CDC123: variants seen among roughly 807,000 people sequenced by gnomAD.
CDC123 encodes the protein cell division cycle 123, also known as translation initiation factor eIF2 assembly protein.
CDC123 carries 37 observed loss-of-function variants against 54.4 expected under a neutral mutation model. That is an observed-to-expected ratio of 0.68 (90% CI 0.52 to 0.89). CDC123 has a LOEUF of 0.89. CDC123 is among the 40% of genes least tolerant of loss of function. CDC123 has a pLI of 0.00. For missense variants in CDC123, 361 were observed against 412.1 expected (o/e 0.88, Z 1.07); for synonymous variants, 144 against 136.8 (o/e 1.05, Z -0.37).
At chr10:12,204,345 A>C (rs1308150837) in intron 2 of CDC123, among the ~76,000 whole-genome samples, 1 of 152,080 alleles carries the variant, frequency 6.6e-6, no homozygotes, top group Non-Finnish European at 1.5e-5. Context: ...AGCATCCCTA[A>C]TTAGAAAATC....
intron 2 of CDC123, among the ~76,000 whole-genome samples, chr10:12,204,581 A>C (rs959669664): frequency 5.3e-5 from 8 of 152,198 alleles, no homozygotes; most frequent in African/African-American, 1.9e-4. Flanking sequence ...CATCGTGGAG[A>C]AAGGGGTGTC....
chr10:12,199,562 A>C (rs993633716), intron 2 of CDC123, among the ~76,000 whole-genome samples: 5 of 152,182 alleles, frequency 3.3e-5, no homozygotes, highest in Admixed American at 2.6e-4. Flanking sequence ...TGCTTGATAA[A>C]CATTTGTTGG....
Position 12,246,561 on chromosome 10 carries a change from A to G in CDC123, c.846+284A>G, listed in dbSNP as rs975747719. 4.2e-5 allele frequency: 12 copies of G among 288,540 alleles called. No homozygotes were observed. In the East Asian group the frequency reaches 4.7e-4, roughly 11 times the overall value. 17.9% of individuals were successfully genotyped at this position (288,540 alleles called of 1,614,324 possible). ...AGGAATCTTGGTCCCAGATCAGCTC[A>G]TGCATCTGTTCCTTCTGACCCCAGC... On this transcript the variant is annotated intron_variant, in intron 11 of 12. Coordinates refer to ENST00000281141, the MANE Select transcript of CDC123 (RefSeq NM_006023.3).
At chr10:12,230,683 T>C (rs142363064) in intron 6 of CDC123, among the ~76,000 whole-genome samples, 1 of 152,378 alleles carries the variant, frequency 6.6e-6, no homozygotes, top group East Asian at 1.9e-4. Context: ...TGTCAAATAC[T>C]AGACCAGCTA....
chr10:12,220,804 C>T lies in CDC123; in HGVS notation c.440+3337C>T, dbSNP rs749204984. On this transcript the variant is annotated intron_variant, in intron 6 of 12. Transcript: ENST00000281141. Reference sequence around the variant, plus strand: ...CATCCTGGCTAACACGGTGAAACCCCGTCTCTACTGAAAATACAAAAAATT... The same window carrying T: ...CATCCTGGCTAACACGGTGAAACCCTGTCTCTACTGAAAATACAAAAAATT... Among the ~76,000 whole-genome samples, 14 of 152,036 alleles carry T rather than the reference C, an allele frequency of 9.2e-5. No individual in the cohort carries two copies. The South Asian group carries it at 1.0e-3, about 11-fold the overall frequency.
chr10:12,245,712 A>G (rs903268081), intron 10 of CDC123: 1 of 152,668 alleles, frequency 6.6e-6, no homozygotes, highest in Non-Finnish European at 1.5e-5. Context: ...CCTTTCTCAG[A>G]TGGGATATAG....
intron 6 of CDC123, among the ~76,000 whole-genome samples, chr10:12,219,693 T>TTTG (rs1554807048): frequency 1.3e-5 from 2 of 151,272 alleles, no homozygotes; most frequent in Non-Finnish European, 3.0e-5. Flanking sequence ...GATAATGGTT[T>TTTG]TTTTTTTTTT....
chr10:12,224,018 C>T (rs753384176), intron 6 of CDC123, among the ~76,000 whole-genome samples: 27 of 152,130 alleles, frequency 1.8e-4, no homozygotes, highest in Non-Finnish European at 4.0e-4. Context: ...CGCCAACCCT[C>T]ACCCTTTCCC....
chr10:12,238,944 C>G (rs937654877), intron 10 of CDC123, among the ~76,000 whole-genome samples: 2 of 151,812 alleles, frequency 1.3e-5, no homozygotes, highest in African/African-American at 4.8e-5. Context: ...GAGCGGAGAT[C>G]ACGCCATTGT....
chr10:12,206,752 A>G (rs769652842), intron 2 of CDC123, among the ~76,000 whole-genome samples: 17 of 152,090 alleles, frequency 1.1e-4, no homozygotes, highest in Admixed American at 3.3e-4. Context: ...AGGTCAGGAG[A>G]TCGAGACCAT....
intron 10 of CDC123, chr10:12,245,715 G>A (rs1161872760): frequency 6.5e-6 from 1 of 153,768 alleles, no homozygotes; most frequent in East Asian, 1.9e-4. Flanking sequence ...TTCTCAGATG[G>A]GATATAGACA....
chr10:12,232,909 G>C (rs541300355), intron 7 of CDC123, among the ~76,000 whole-genome samples: 1 of 151,540 alleles, frequency 6.6e-6, no homozygotes, highest in African/African-American at 2.4e-5. Context: ...ACAGGCACCC[G>C]CCACTCCGCC....
In CDC123 at chr10:12,249,640, G is replaced by T. The variant is rs773387080; in HGVS notation, c.906G>T (p.Leu302Phe). The change falls in exon 12 of 13, where the codon TTG becomes TTT. Residue 302 changes from leucine (L) to phenylalanine (F), a missense_variant. Coordinates refer to ENST00000281141, the MANE Select transcript of CDC123 (RefSeq NM_006023.3). Reference sequence around the variant, plus strand: ...TGACAGTCCAGCCCAGCCCCTATTTGAGTTACCGGCTACCCAAGGACTTTG... The same window carrying T: ...TGACAGTCCAGCCCAGCCCCTATTTTAGTTACCGGCTACCCAAGGACTTTG... ...SEVTVQPSPY[L>F]SYRLPKDFVD... 6.2e-7 allele frequency: 1 copy of T among 1,614,122 alleles called. No homozygotes were observed. The highest frequency in any genetic ancestry group is 2.2e-5 in the East Asian group (1 of 44,888).
At chr10:12,204,821 C>T (rs1331935846) in intron 2 of CDC123, among the ~76,000 whole-genome samples, 5 of 151,780 alleles carry the variant, frequency 3.3e-5, no homozygotes, top group South Asian at 2.1e-4. Flanking sequence ...GGTGAAACCC[C>T]GTCTCAACTA....
intron 9 of CDC123, among the ~76,000 whole-genome samples, 156 bp from the exon 10 acceptor site, chr10:12,238,301 C>T (rs1836005763): frequency 6.6e-6 from 1 of 152,072 alleles, no homozygotes; most frequent in African/African-American, 2.4e-5. Flanking sequence ...TGCAGGATGC[C>T]TTTTTATGTT....
rs1375322954 is a variant in CDC123, at chr10:12,238,437, A to G, written c.689-20A>G. The G allele has an allele frequency of 4.4e-6, 7 of 1,596,888 alleles. No individual in the cohort carries two copies. The highest frequency in any genetic ancestry group is 1.7e-4 in the Middle Eastern group (1 of 6,010). ...TGAAATATTAGTTCATTAATAACTG[A>G]CTTTTTTTCTCCTTTACAGTTGTGT... On this transcript the variant is annotated intron_variant, in intron 9 of 12. Coordinates refer to ENST00000281141, the MANE Select transcript of CDC123 (RefSeq NM_006023.3).
intron 2 of CDC123, among the ~76,000 whole-genome samples, chr10:12,207,117 A>G (rs963968791): frequency 2.6e-5 from 4 of 151,934 alleles, no homozygotes; most frequent in African/African-American, 9.7e-5. Flanking sequence ...ATCTTTGATA[A>G]TTTCCTCTAA....
Position 12,230,937 on chromosome 10 carries a change from T to A in CDC123, c.441-11T>A. ...AAAAAGATTCAGTTGCCTTTTCTTCTTCTTCCAAAGGTTTATTCATTGTAC... is the reference window on the plus strand; with the variant it reads ...AAAAAGATTCAGTTGCCTTTTCTTCATCTTCCAAAGGTTTATTCATTGTAC... On this transcript the variant is annotated splice_polypyrimidine_tract_variant and intron_variant, in intron 6 of 12. Transcript: ENST00000281141. The A allele has an allele frequency of 1.1e-5, 17 of 1,611,756 alleles. No homozygotes were observed. The highest frequency in any genetic ancestry group is 1.4e-5 in the Non-Finnish European group (17 of 1,179,214).
At chr10:12,205,850 G>GT (rs895967001) in intron 2 of CDC123, among the ~76,000 whole-genome samples, 2 of 151,584 alleles carry the variant, frequency 1.3e-5, no homozygotes, top group African/African-American at 4.9e-5. Flanking sequence ...CTAGGCTGGA[G>GT]TGCAGGGGCA....
Sources: gnomAD v4.1 joint callset for allele counts (sites outside exome capture counted in the v4.1 genomes callset) on GRCh38, gnomAD v4.1.1 for gene constraint, MANE v1.5 for transcripts, NCBI Gene and HGNC (gene_info 2026-07-23, HGNC 2026-07-21) for gene names.